Variants in LAMA2 observed in about 807,000 individuals in gnomAD.
The protein encoded by LAMA2 is laminin subunit alpha 2.
Under a neutral mutation model 364.8 loss-of-function variants are expected in LAMA2, and 269 were observed. That is an observed-to-expected ratio of 0.74 (90% CI 0.67 to 0.82). The LOEUF (loss-of-function observed/expected upper bound fraction) is 0.82, where lower values mean the gene tolerates loss of function less well. Ranked by LOEUF, LAMA2 falls within the 40% of genes least tolerant of loss-of-function variation. LAMA2 has a pLI of 0.00. For missense variants in LAMA2, 3,807 were observed against 3,873.2 expected, an observed-to-expected ratio of 0.98 and a Z score of 0.45; for synonymous variants, 1,379 against 1,370.6, an observed-to-expected ratio of 1.01 and a Z score of -0.14.
intron 9 of LAMA2, among the ~76,000 whole-genome samples, chr6:129,176,636 T>C (rs559948265): frequency 2.4e-4 from 36 of 152,268 alleles, no homozygotes; most frequent in African/African-American, 8.7e-4. Flanking sequence ...ATCATGTTTT[T>C]ATTATATTTT....
chr6:128,899,978 T>C (rs920811262), intron 1 of LAMA2, among the ~76,000 whole-genome samples: 1 of 152,194 alleles, frequency 6.6e-6, no homozygotes, highest in African/African-American at 2.4e-5. Flanking sequence ...ATGGGGTGAT[T>C]TGATTGGCAT....
At chr6:129,384,325 C>A (rs957656022) in intron 35 of LAMA2, among the ~76,000 whole-genome samples, 1 of 152,204 alleles carries the variant, frequency 6.6e-6, no homozygotes, top group Non-Finnish European at 1.5e-5. Flanking sequence ...ACAAATCCCA[C>A]TGCAGGTAGA....
intron 12 of LAMA2, among the ~76,000 whole-genome samples, chr6:129,214,005 G>A (rs887769405): frequency 5.9e-5 from 9 of 151,974 alleles, no homozygotes; most frequent in Non-Finnish European, 1.2e-4. Flanking sequence ...TCCATTTTGA[G>A]GTCTATGATC....
At chr6:129,303,884 TGTC>T (rs978489323) in intron 22 of LAMA2, among the ~76,000 whole-genome samples, 1 of 152,150 alleles carries the variant, frequency 6.6e-6, no homozygotes, top group Non-Finnish European at 1.5e-5. Context: ...CTTGTAGCGT[TGTC>T]GTCGGGATGA....
intron 49 of LAMA2, among the ~76,000 whole-genome samples, chr6:129,461,979 T>A (rs547925547): frequency 4.5e-4 from 68 of 151,988 alleles, no homozygotes; most frequent in African/African-American, 1.5e-3. Flanking sequence ...CACATCAGAT[T>A]AAGGGCATCA....
intron 10 of LAMA2, among the ~76,000 whole-genome samples, chr6:129,186,254 C>A (rs902191411): frequency 3.3e-5 from 5 of 151,406 alleles, no homozygotes; most frequent in Non-Finnish European, 7.4e-5. Context: ...TAAAATTCAT[C>A]AGTACAAATA....
At chr6:129,061,833 T>TG in intron 3 of LAMA2, among the ~76,000 whole-genome samples, 1 of 152,348 alleles carries the variant, frequency 6.6e-6, no homozygotes, top group East Asian at 1.9e-4. Flanking sequence ...ACAGAGCATA[T>TG]GTGTTCAAAT....
At chr6:129,134,554 G>T (rs574652225) in intron 4 of LAMA2, among the ~76,000 whole-genome samples, 1 of 152,172 alleles carries the variant, frequency 6.6e-6, no homozygotes, top group Non-Finnish European at 1.5e-5. Context: ...GAATTGACAG[G>T]GGGGATGGGG....
chr6:129,222,705 G>C (rs567603104), intron 12 of LAMA2, among the ~76,000 whole-genome samples: 1 of 152,024 alleles, frequency 6.6e-6, no homozygotes, highest in East Asian at 1.9e-4. Flanking sequence ...GTATTCCATG[G>C]TGTATACATG....
chr6:129,486,616 C>G lies in LAMA2; in HGVS notation c.7892C>G (p.Thr2631Ser), dbSNP rs1202653146. 5.0e-6 allele frequency: 8 copies of G among 1,613,582 alleles called. No individual in the cohort carries two copies. The highest frequency in any genetic ancestry group is 6.8e-6 in the Non-Finnish European group (8 of 1,179,552). Residue 2631 changes from threonine (T) to serine (S), a missense_variant, in exon 56 of 65, where the codon ACT becomes AGT. Thr to Ser is a moderately conservative substitution (Grantham distance 58). Around this residue, in one of 3 missense-constraint regions of LAMA2, gnomAD observed 3,333 missense variants for 3,345.7 expected, o/e 1.00. Transcript: ENST00000421865. Reference sequence around the variant, plus strand: ...GAACATTCCGTTCATGTAGAGCGAACTAGAGGGTAACAATAGCACTAAAAT... The same window carrying G: ...GAACATTCCGTTCATGTAGAGCGAAGTAGAGGGTAACAATAGCACTAAAAT... ...GREHSVHVERTRGIFTVQVDE... is the reference protein window; with the variant it reads ...GREHSVHVERSRGIFTVQVDE...
intron 1 of LAMA2, among the ~76,000 whole-genome samples, chr6:128,945,171 A>G (rs1021673516): frequency 2.6e-5 from 4 of 152,254 alleles, no homozygotes; most frequent in Non-Finnish European, 4.4e-5. Context: ...AAGTATAGTC[A>G]TGAGTGTGCC....
intron 4 of LAMA2, among the ~76,000 whole-genome samples, chr6:129,116,606 A>G (rs980437629): frequency 1.3e-5 from 2 of 152,128 alleles, no homozygotes; most frequent in Non-Finnish European, 2.9e-5. Context: ...TGTTTAAAAA[A>G]GATTCATGTT....
intron 35 of LAMA2, among the ~76,000 whole-genome samples, chr6:129,384,614 A>G (rs186456626): frequency 6.6e-6 from 1 of 152,244 alleles, no homozygotes; most frequent in East Asian, 1.9e-4. Flanking sequence ...CAATATGAAT[A>G]TTTGCTTCTT....
At chr6:129,099,773 T>C (rs1003737667) in intron 4 of LAMA2, among the ~76,000 whole-genome samples, 1 of 152,174 alleles carries the variant, frequency 6.6e-6, no homozygotes, top group African/African-American at 2.4e-5. Context: ...TTAAATTCCA[T>C]GTTCAAAAAT....
At chr6:129,172,422 C>A (rs374519301) in intron 9 of LAMA2, among the ~76,000 whole-genome samples, 1 of 151,918 alleles carries the variant, frequency 6.6e-6, no homozygotes, top group Non-Finnish European at 1.5e-5. Context: ...AGGTCTGTTG[C>A]AATACCCTGC....
intron 19 of LAMA2, among the ~76,000 whole-genome samples, chr6:129,290,916 CT>C (rs976672041): frequency 6.6e-6 from 1 of 152,084 alleles, no homozygotes; most frequent in African/African-American, 2.4e-5. Context: ...ATGCTATAGT[CT>C]TAAGATACTT....
At chr6:129,405,756 T>C (rs972790361) in intron 40 of LAMA2, among the ~76,000 whole-genome samples, 2 of 152,142 alleles carry the variant, frequency 1.3e-5, no homozygotes, top group Admixed American at 6.6e-5. Context: ...AAAAGAAATA[T>C]ATTTGAAAAG....
chr6:129,083,873 T>G (rs966875450), intron 3 of LAMA2, among the ~76,000 whole-genome samples: 10 of 152,284 alleles, frequency 6.6e-5, no homozygotes, highest in African/African-American at 2.4e-4. Context: ...GTATTTCACA[T>G]GTATTATGTT....
At chr6:129,146,400 A>T (rs756230102) in intron 5 of LAMA2, among the ~76,000 whole-genome samples, 2 of 152,040 alleles carry the variant, frequency 1.3e-5, no homozygotes, top group Non-Finnish European at 2.9e-5. Context: ...ACTATATTAC[A>T]TAGTAATATA....
Sources: allele counts gnomAD v4.1 joint callset (sites outside exome capture counted in the v4.1 genomes callset), GRCh38; gene constraint gnomAD v4.1.1; regional missense constraint gnomAD v4.1.1; transcripts MANE v1.5; gene names NCBI Gene and HGNC (gene_info 2026-07-23, HGNC 2026-07-21).